The following TTC8 variants were observed in gnomAD, a reference collection of about 807,000 sequenced individuals.
The protein encoded by TTC8 is tetratricopeptide repeat protein 8.
TTC8 carries 47 observed loss-of-function variants against 72.5 expected under a neutral mutation model. The observed-to-expected ratio is 0.65, with a 90% CI of 0.51 to 0.83. TTC8 has a LOEUF of 0.83. Ranked by LOEUF, TTC8 falls within the 40% of genes least tolerant of loss-of-function variation. TTC8 has a pLI of 0.00. For missense variants in TTC8, 611 were observed against 623.2 expected (o/e 0.98, Z 0.21); for synonymous variants, 199 against 221.4 (o/e 0.90, Z 0.90).
chr14:88,858,490 T>C (rs377275100), intron 9 of TTC8, among the ~76,000 whole-genome samples: 2 of 152,218 alleles, frequency 1.3e-5, no homozygotes, highest in Non-Finnish European at 2.9e-5. Context: ...ATGAAAGTTA[T>C]ATAAATTTAC....
intron 1 of TTC8, among the ~76,000 whole-genome samples, chr14:88,832,971 A>G (rs1157549034): frequency 6.6e-6 from 1 of 152,230 alleles, no homozygotes; most frequent in Non-Finnish European, 1.5e-5. Context: ...CATGTTAAAT[A>G]AATTACCTGT....
At chr14:88,845,842 C>A (rs1566840603) in intron 7 of TTC8, among the ~76,000 whole-genome samples, 1 of 152,146 alleles carries the variant, frequency 6.6e-6, no homozygotes, top group African/African-American at 2.4e-5. Context: ...AGTCTCTGCT[C>A]TTTTAGAGAT....
chr14:88,879,204 T>C (rs1007060017), downstream of TTC8: 1 of 152,234 alleles, frequency 6.6e-6, no homozygotes, highest in African/African-American at 2.4e-5. Flanking sequence ...CAGGGCAGAA[T>C]GATGACATAG....
At chr14:88,869,615 A>C (rs939774576) in intron 10 of TTC8, among the ~76,000 whole-genome samples, 10 of 152,034 alleles carry the variant, frequency 6.6e-5, no homozygotes, top group African/African-American at 2.4e-4. Context: ...GGTTCTTCAT[A>C]TGTGACAAGC....
Position 88,841,318 on chromosome 14 carries a change from G to A in TTC8, c.490-107G>A, listed in dbSNP as rs1168561715. 9 of 1,582,662 alleles carry A rather than the reference G, an allele frequency of 5.7e-6. No individual in the cohort carries two copies. In the East Asian group the frequency reaches 2.0e-4, roughly 36 times the overall value. On this transcript the variant is annotated intron_variant, in intron 5 of 14. Coordinates refer to ENST00000380656, the MANE Select transcript of TTC8 (RefSeq NM_144596.4). ...GAGAATTATATGGAAGATTTTTGAA[G>A]GTGATTATTTTTATTTATGTTGCCT...
At chr14:88,861,053 C>T (rs2094883609) in intron 9 of TTC8, among the ~76,000 whole-genome samples, 169 bp from the exon 10 acceptor site, 1 of 152,186 alleles carries the variant, frequency 6.6e-6, no homozygotes, top group Non-Finnish European at 1.5e-5. Flanking sequence ...GTCCACCCAC[C>T]TCAGCCTCCC....
At chr14:88,824,563 C>G, upstream of TTC8, 6 of 617,946 alleles carry the variant, frequency 9.7e-6, no homozygotes, top group Non-Finnish European at 2.8e-6. Context: ...TTTTCTTTTT[C>G]CTGTTCTCAG....
intron 9 of TTC8, among the ~76,000 whole-genome samples, chr14:88,857,572 C>G (rs2094862693): frequency 1.3e-5 from 2 of 152,100 alleles, no homozygotes; most frequent in Non-Finnish European, 2.9e-5. Flanking sequence ...CCCAATGAGG[C>G]CTTATTTTCT....
In TTC8 at chr14:88,871,743, T is replaced by G. The variant is rs373165877; in HGVS notation, c.1224+20T>G. 1.1e-5 allele frequency: 17 copies of G among 1,613,928 alleles called. No homozygotes were observed. The highest frequency in any genetic ancestry group is 1.4e-5 in the Non-Finnish European group (17 of 1,179,836). On this transcript the variant is annotated intron_variant, in intron 12 of 14. Coordinates refer to ENST00000380656, the MANE Select transcript of TTC8 (RefSeq NM_144596.4). The surrounding 1 kb of genome is among the most constrained non-coding windows in gnomAD (Gnocchi z 4.1). ...GCTGTGGTATGTTGTCTTACTGATA[T>G]AATTTCTGTTATAGAAAGTTGGTTT...
chr14:88,860,484 G>A (rs1410415784), intron 9 of TTC8, among the ~76,000 whole-genome samples: 3 of 152,068 alleles, frequency 2.0e-5, no homozygotes, highest in African/African-American at 7.2e-5. Flanking sequence ...CTCTTGTTTT[G>A]GAAAGGCCTG....
chr14:88,843,990 A>G (rs978240342), intron 7 of TTC8, 140 bp downstream of exon 7: 23 of 653,980 alleles, frequency 3.5e-5, no homozygotes, highest in African/African-American at 3.5e-4. Flanking sequence ...TTTAAAATCC[A>G]CCCTCAGTTT....
At chr14:88,845,166 C>T (rs977900331) in intron 7 of TTC8, among the ~76,000 whole-genome samples, 21 of 151,850 alleles carry the variant, frequency 1.4e-4, no homozygotes, top group Admixed American at 1.4e-3. Flanking sequence ...CGTCCTTATC[C>T]TAGAAAATTG....
rs745491019 is a variant in TTC8, at chr14:88,872,443, C to T, written c.1338C>T (p.His446=). ...NLAVLEMRKG[H]VEQARALLQT... Reference sequence around the variant, plus strand: ...CTGTGCTGGAGATGCGGAAGGGCCACGTTGAACAGGTCAGTGAACTGGCAG... The same window carrying T: ...CTGTGCTGGAGATGCGGAAGGGCCATGTTGAACAGGTCAGTGAACTGGCAG... The change falls in exon 13 of 15, where the codon CAC becomes CAT. Residue 446 remains histidine (H), a synonymous_variant. Coordinates refer to ENST00000380656, the MANE Select transcript of TTC8 (RefSeq NM_144596.4). 23 of 1,613,750 alleles carry T rather than the reference C, an allele frequency of 1.4e-5. No homozygotes were observed. The highest frequency in any genetic ancestry group is 4.5e-5 in the East Asian group (2 of 44,858).
chr14:88,829,435 T>C (rs937214350), intron 1 of TTC8, among the ~76,000 whole-genome samples: 3 of 152,244 alleles, frequency 2.0e-5, no homozygotes, highest in Non-Finnish European at 4.4e-5. Context: ...TTTACTGTTC[T>C]TTGTGTTCCA....
intron 2 of TTC8, among the ~76,000 whole-genome samples, chr14:88,834,686 T>A (rs1441153917): frequency 6.6e-6 from 1 of 151,856 alleles, no homozygotes; most frequent in Non-Finnish European, 1.5e-5. Context: ...AACTGATAGA[T>A]GGGGCAAAAC....
Position 88,838,765 on chromosome 14 carries a change from T to C in TTC8, c.145-687T>C, listed in dbSNP as rs533760222. 2.6e-5 allele frequency among the ~76,000 whole-genome samples: 4 copies of C among 152,332 alleles called. No individual in the cohort carries two copies. The East Asian group carries it at 7.7e-4, about 29-fold the overall frequency. On this transcript the variant is annotated intron_variant, in intron 2 of 14. Coordinates refer to ENST00000380656, the MANE Select transcript of TTC8 (RefSeq NM_144596.4). Reference sequence around the variant, plus strand: ...TGCCAGTTTAGATTTCTTAATTAGCTTTTCCCTTTTTTTCATTATCTAGCA... The same window carrying C: ...TGCCAGTTTAGATTTCTTAATTAGCCTTTCCCTTTTTTTCATTATCTAGCA...
Position 88,877,342 on chromosome 14 carries a change from G to A in TTC8, c.1480G>A (p.Ala494Thr), listed in dbSNP as rs776685385. The change falls in exon 15 of 15, where the codon GCA becomes ACA. Residue 494 changes from alanine to threonine, a missense_variant. By Grantham distance (58) the Ala-to-Thr change is moderately conservative. Coordinates refer to ENST00000380656, the MANE Select transcript of TTC8 (RefSeq NM_144596.4). ...SYVAAQKSEAAFPDHVDTQHL... is the reference protein window; with the variant it reads ...SYVAAQKSEATFPDHVDTQHL... ...TGTTGCTGCGCAGAAGTCTGAAGCA[G>A]CATTTCCAGACCATGTGGACACACA... 5 of 1,613,772 alleles carry A rather than the reference G, an allele frequency of 3.1e-6. No individual in the cohort carries two copies. In the South Asian group the frequency reaches 3.3e-5, roughly 11 times the overall value.
intron 7 of TTC8, chr14:88,846,912 G>A (rs1356694103): frequency 3.5e-6 from 1 of 283,496 alleles, no homozygotes; most frequent in Non-Finnish European, 6.6e-6. Flanking sequence ...CAAAAGGTGA[G>A]CTACTTGAAT....
At chr14:88,854,970 A>G (rs1293101576) in intron 8 of TTC8, among the ~76,000 whole-genome samples, 1 of 152,252 alleles carries the variant, frequency 6.6e-6, no homozygotes, top group Non-Finnish European at 1.5e-5. Flanking sequence ...TATAGGCATT[A>G]GCCATTGAAT....
Sources: gnomAD v4.1 joint callset for allele counts (sites outside exome capture counted in the v4.1 genomes callset) on GRCh38, gnomAD v4.1.1 for gene constraint, Gnocchi (gnomAD v3.1) non-coding constraint, MANE v1.5 for transcripts, NCBI Gene and HGNC (gene_info 2026-07-23, HGNC 2026-07-21) for gene names.